Variants in PPARGC1A observed in about 807,000 individuals in gnomAD.
The protein encoded by PPARGC1A is PPARG coactivator 1 alpha.
Under a neutral mutation model 88.7 loss-of-function variants are expected in PPARGC1A, and 25 were observed. That is an observed-to-expected ratio of 0.28 (90% CI 0.21 to 0.39). The LOEUF is 0.39. Ranked by LOEUF, PPARGC1A falls within the 10% of genes least tolerant of loss-of-function variation. PPARGC1A has a pLI of 1.00. For missense variants in PPARGC1A, 880 were observed against 968.7 expected (o/e 0.91, Z 1.22); for synonymous variants, 363 against 355.6 (o/e 1.02, Z -0.24).
the PPARGC1A span, among the ~76,000 whole-genome samples, chr4:24,046,535 T>C: frequency 6.6e-6 from 1 of 152,144 alleles, no homozygotes; most frequent in African/African-American, 2.4e-5. Flanking sequence ...TTTTTTGCAA[T>C]GCAAACTCGA....
the PPARGC1A span, among the ~76,000 whole-genome samples, chr4:24,297,457 A>C: frequency 1.3e-5 from 2 of 152,112 alleles, no homozygotes; most frequent in Non-Finnish European, 2.9e-5. Flanking sequence ...TCAAAACACA[A>C]TTTACCTTCA....
the PPARGC1A span, among the ~76,000 whole-genome samples, chr4:24,120,717 T>C: frequency 2.6e-5 from 4 of 152,080 alleles, no homozygotes; most frequent in East Asian, 1.9e-4. Context: ...AAGAGATTAT[T>C]ACCCTCATAA....
chr4:23,906,382 G>A (rs1403799555), upstream of PPARGC1A, among the ~76,000 whole-genome samples: 1 of 151,968 alleles, frequency 6.6e-6, no homozygotes, highest in Non-Finnish European at 1.5e-5. Flanking sequence ...TGAGGTCTTG[G>A]TGGGAGGATC....
chr4:23,798,956 T>C (rs1390247899), intron 12 of PPARGC1A, among the ~76,000 whole-genome samples: 1 of 152,152 alleles, frequency 6.6e-6, no homozygotes, highest in Non-Finnish European at 1.5e-5. Flanking sequence ...GTTTCAGTAG[T>C]AGAGAAATAG....
chr4:24,310,004 G>A, the PPARGC1A span, among the ~76,000 whole-genome samples: 4 of 152,222 alleles, frequency 2.6e-5, no homozygotes, highest in East Asian at 7.7e-4. Context: ...TGTGTCAAGA[G>A]TGACTCCTAG....
At chr4:24,082,384 G>A in the PPARGC1A span, among the ~76,000 whole-genome samples, 3 of 152,284 alleles carry the variant, frequency 2.0e-5, no homozygotes, top group East Asian at 1.9e-4. Flanking sequence ...GCTTGATAAC[G>A]TCAGCTCTGG....
the PPARGC1A span, among the ~76,000 whole-genome samples, chr4:24,324,783 T>A: frequency 2.0e-5 from 3 of 152,154 alleles, no homozygotes; most frequent in African/African-American, 7.2e-5. Flanking sequence ...CCAGTGAAAC[T>A]CGTCCCAAAT....
the PPARGC1A span, among the ~76,000 whole-genome samples, chr4:23,931,342 A>G: frequency 6.6e-6 from 1 of 151,390 alleles, no homozygotes; most frequent in Admixed American, 6.6e-5. Context: ...AGGAAGGAGG[A>G]AAAAAAAAGG....
chr4:23,964,482 T>A, the PPARGC1A span, among the ~76,000 whole-genome samples: 2 of 152,212 alleles, frequency 1.3e-5, no homozygotes, highest in Non-Finnish European at 2.9e-5. Flanking sequence ...TTCTCACTGC[T>A]GTGCAGAATA....
At chr4:24,052,626 G>C in the PPARGC1A span, among the ~76,000 whole-genome samples, 1 of 137,274 alleles carries the variant, frequency 7.3e-6, no homozygotes, top group East Asian at 2.1e-4. Flanking sequence ...GACAGAGTGA[G>C]ATTACATCTC....
At chr4:24,082,907 T>G in the PPARGC1A span, among the ~76,000 whole-genome samples, 1 of 152,088 alleles carries the variant, frequency 6.6e-6, no homozygotes, top group East Asian at 1.9e-4. Context: ...ACAGAGAGAA[T>G]TGATTTCTTA....
At chr4:23,950,807 A>G in the PPARGC1A span, among the ~76,000 whole-genome samples, 1 of 152,142 alleles carries the variant, frequency 6.6e-6, no homozygotes, top group Non-Finnish European at 1.5e-5. Flanking sequence ...AAAAAGTACA[A>G]CTTACACTTT....
chr4:23,854,964 A>G lies in PPARGC1A; in HGVS notation c.235-23213T>C, dbSNP rs113238404. Among the ~76,000 whole-genome samples the G allele has an allele frequency of 3.9e-5, 6 of 152,274 alleles. 2 individuals are homozygous for G. Among genetic ancestry groups the G allele is most frequent in the East Asian group, 1.9e-4 (1 of 5,166 alleles). On this transcript the variant is annotated intron_variant, in intron 2 of 12. Transcript: ENST00000264867. ...TGTCTCCATCCAAATCTCATCTTGAATTGTAGCTCCTATAATTCCCACGTG... is the reference window on the plus strand; with the variant it reads ...TGTCTCCATCCAAATCTCATCTTGAGTTGTAGCTCCTATAATTCCCACGTG...
the PPARGC1A span, among the ~76,000 whole-genome samples, chr4:24,021,665 C>T: frequency 6.6e-6 from 1 of 152,160 alleles, no homozygotes; most frequent in Non-Finnish European, 1.5e-5. Flanking sequence ...GGGCAAGTTC[C>T]TAAACCTCTC....
the PPARGC1A span, among the ~76,000 whole-genome samples, chr4:24,154,441 G>A: frequency 6.6e-6 from 1 of 152,176 alleles, no homozygotes; most frequent in Non-Finnish European, 1.5e-5. Flanking sequence ...GTATTGTATG[G>A]CAGAGCTTTA....
the PPARGC1A span, among the ~76,000 whole-genome samples, chr4:24,032,700 T>G: frequency 6.6e-6 from 1 of 152,162 alleles, no homozygotes; most frequent in Non-Finnish European, 1.5e-5. Context: ...GTTGGTTTAT[T>G]TTTTAGCACA....
the PPARGC1A span, among the ~76,000 whole-genome samples, chr4:24,342,236 G>A: frequency 6.6e-6 from 1 of 152,074 alleles, no homozygotes; most frequent in Non-Finnish European, 1.5e-5. Flanking sequence ...TATGTGCCAG[G>A]TAGTGTCCAA....
Position 23,829,371 on chromosome 4 carries a change from C to T in PPARGC1A, c.552+92G>A. On this transcript the variant is annotated intron_variant, in intron 4 of 12. Transcript: ENST00000264867. Reference sequence around the variant, plus strand: ...TTATGAGGCAGCTTCGGGGTCCCAGCTGAATTAATACCTACAAACTTATTT... The same window carrying T: ...TTATGAGGCAGCTTCGGGGTCCCAGTTGAATTAATACCTACAAACTTATTT... 3.6e-6 allele frequency: 5 copies of T among 1,406,576 alleles called. No individual in the cohort carries two copies. In the South Asian group the frequency reaches 5.2e-5, roughly 15 times the overall value. 87.1% of individuals were successfully genotyped at this position (1,406,576 alleles called of 1,614,324 possible). A position where few individuals can be genotyped will look rare whatever the true frequency, so the allele number is the denominator to read the frequency against.
chr4:24,285,367 TAC>T, the PPARGC1A span, among the ~76,000 whole-genome samples: 1 of 152,006 alleles, frequency 6.6e-6, no homozygotes, highest in Non-Finnish European at 1.5e-5. Context: ...CATGGTGAGA[TAC>T]ACAAGCACAT....
Sources: allele counts gnomAD v4.1 joint callset (sites outside exome capture counted in the v4.1 genomes callset), GRCh38; gene constraint gnomAD v4.1.1; transcripts MANE v1.5; gene names NCBI Gene and HGNC (gene_info 2026-07-23, HGNC 2026-07-21).